The following PDE5A variants were observed in gnomAD, a reference collection of about 807,000 sequenced individuals.
PDE5A encodes the protein cGMP-specific 3',5'-cyclic phosphodiesterase.
Under a neutral mutation model 110.2 loss-of-function variants are expected in PDE5A, and 67 were observed. That is an observed-to-expected ratio of 0.61 (90% CI 0.50 to 0.75). The LOEUF (loss-of-function observed/expected upper bound fraction) is 0.75, where lower values mean the gene tolerates loss of function less well. Among genes scored for constraint, PDE5A ranks in the 30% least tolerant of loss-of-function variants. PDE5A has a pLI of 0.00. For missense variants in PDE5A, 862 were observed against 1,045.1 expected, an observed-to-expected ratio of 0.82 and a Z score of 2.42; for synonymous variants, 328 against 351.2, an observed-to-expected ratio of 0.93 and a Z score of 0.74.
chr4:119,611,433 A>C (rs1560641932), intron 1 of PDE5A, among the ~76,000 whole-genome samples: 1 of 152,148 alleles, frequency 6.6e-6, no homozygotes, highest in Non-Finnish European at 1.5e-5. Flanking sequence ...AGTCTTTTGA[A>C]TATCTAAATG....
intron 14 of PDE5A, among the ~76,000 whole-genome samples, chr4:119,518,609 G>C (rs1725999697): frequency 6.6e-6 from 1 of 152,214 alleles, no homozygotes; most frequent in African/African-American, 2.4e-5. Flanking sequence ...CAGAGGACCA[G>C]TTTTCCAACA....
At chr4:119,554,271 C>CA (rs1476836159) in intron 7 of PDE5A, among the ~76,000 whole-genome samples, 7 of 152,124 alleles carry the variant, frequency 4.6e-5, no homozygotes, top group Non-Finnish European at 1.0e-4. Flanking sequence ...TCTTCCTTAG[C>CA]ATCTTTCCCT....
At chr4:119,588,654 C>A (rs1415302745) in intron 3 of PDE5A, among the ~76,000 whole-genome samples, 1 of 151,344 alleles carries the variant, frequency 6.6e-6, no homozygotes, top group Admixed American at 6.6e-5. Flanking sequence ...AACTTAAATT[C>A]TAAAAAACAT....
Position 119,497,540 on chromosome 4 carries a change from A to G in PDE5A, c.*1061T>C, listed in dbSNP as rs1041522341. ...AATTTTTCAATCACAATACTGCTAAATGTTATTCAGGCATAAAGTTTCTTA... is the reference window on the plus strand; with the variant it reads ...AATTTTTCAATCACAATACTGCTAAGTGTTATTCAGGCATAAAGTTTCTTA... On this transcript the variant is annotated 3_prime_UTR_variant, in exon 21 of 21. Coordinates refer to ENST00000354960, the MANE Select transcript of PDE5A (RefSeq NM_001083.4). 6.6e-6 allele frequency: 1 copy of G among 152,164 alleles called. No homozygotes were observed. The highest frequency in any genetic ancestry group is 6.6e-5 in the Admixed American group (1 of 15,260). 9.4% of individuals were successfully genotyped at this position (152,164 alleles called of 1,614,324 possible).
At chr4:119,599,280 T>A (rs1729259712) in intron 2 of PDE5A, among the ~76,000 whole-genome samples, 1 of 151,742 alleles carries the variant, frequency 6.6e-6, no homozygotes, top group Non-Finnish European at 1.5e-5. Flanking sequence ...CAGCAGACAA[T>A]ACAAAATCAC....
At chr4:119,539,345 GTT>G (rs200294926) in intron 10 of PDE5A, among the ~76,000 whole-genome samples, 2 of 140,830 alleles carry the variant, frequency 1.4e-5, no homozygotes, top group Non-Finnish European at 1.6e-5. Context: ...AATTTATTTT[GTT>G]TTTTTTTTTT....
At chr4:119,617,842 C>G (rs1729995033) in intron 1 of PDE5A, among the ~76,000 whole-genome samples, 1 of 152,124 alleles carries the variant, frequency 6.6e-6, no homozygotes, top group South Asian at 2.1e-4. Context: ...TTCAACCACT[C>G]TATTTTAAAA....
At chr4:119,608,988 G>A (rs987333179) in intron 1 of PDE5A, among the ~76,000 whole-genome samples, 7 of 151,846 alleles carry the variant, frequency 4.6e-5, no homozygotes, top group African/African-American at 1.5e-4. Flanking sequence ...GTGAAACCCC[G>A]TCTCTACTAA....
chr4:119,601,048 G>A (rs541876624), intron 2 of PDE5A, among the ~76,000 whole-genome samples: 6 of 152,166 alleles, frequency 3.9e-5, no homozygotes, highest in Non-Finnish European at 7.3e-5. Context: ...TTTGTTCCCA[G>A]TTCCTGACAC....
intron 3 of PDE5A, among the ~76,000 whole-genome samples, chr4:119,568,390 C>T (rs1431746654): frequency 6.6e-6 from 1 of 152,012 alleles, no homozygotes; most frequent in Non-Finnish European, 1.5e-5. Flanking sequence ...TAATAAGAGC[C>T]ACTTGAAGGT....
intron 3 of PDE5A, among the ~76,000 whole-genome samples, chr4:119,578,540 T>C (rs1166075873): frequency 6.6e-6 from 1 of 152,204 alleles, no homozygotes. Context: ...GCTGCATATC[T>C]ACAACCATCT....
Position 119,521,582 on chromosome 4 carries a change from A to C in PDE5A, c.1780-522T>G, listed in dbSNP as rs530865387. On this transcript the variant is annotated intron_variant, in intron 12 of 20. Transcript: ENST00000354960. ...GGGGTGGACTAGTAACAAGGTATAT[A>C]GCACATGTCCGAGGACAAATTGGAG... 2.0e-5 allele frequency among the ~76,000 whole-genome samples: 3 copies of C among 152,150 alleles called. No homozygotes were observed. In the East Asian group the frequency reaches 5.8e-4, roughly 29 times the overall value.
At chr4:119,535,503 T>A (rs898143005) in intron 11 of PDE5A, among the ~76,000 whole-genome samples, 1 of 152,186 alleles carries the variant, frequency 6.6e-6, no homozygotes, top group South Asian at 2.1e-4. Context: ...GTTTTTCAGA[T>A]AATAAATAAG....
intron 7 of PDE5A, among the ~76,000 whole-genome samples, chr4:119,554,277 T>C (rs1578770628): frequency 6.6e-6 from 1 of 152,288 alleles, no homozygotes; most frequent in East Asian, 1.9e-4. Flanking sequence ...TTAGCATCTT[T>C]CCCTTTGTTC....
At chr4:119,608,415 G>A (rs1165432932) in intron 1 of PDE5A, among the ~76,000 whole-genome samples, 1 of 152,112 alleles carries the variant, frequency 6.6e-6, no homozygotes, top group East Asian at 1.9e-4. Context: ...TTAGAACGCT[G>A]TAGTCTTACA....
chr4:119,539,042 C>T, intron 10 of PDE5A, 23 bp from the exon 11 acceptor site: 1 of 1,580,560 alleles, frequency 6.3e-7, no homozygotes, highest in Non-Finnish European at 8.7e-7. Context: ...AAAAGAAGTC[C>T]AGGTTACACA....
chr4:119,539,643 G>C (rs1726855924), intron 10 of PDE5A, among the ~76,000 whole-genome samples: 2 of 152,018 alleles, frequency 1.3e-5, no homozygotes, highest in Non-Finnish European at 2.9e-5. Context: ...GAGCCTCAGG[G>C]AGTCACATGA....
chr4:119,519,699 A>G (rs1726052925), intron 13 of PDE5A: 1 of 152,152 alleles, frequency 6.6e-6, no homozygotes, highest in African/African-American at 2.4e-5. Flanking sequence ...CAAAAAACAC[A>G]AGTTAAAATT....
At chr4:119,618,881 A>G (rs1284156478) in intron 1 of PDE5A, among the ~76,000 whole-genome samples, 1 of 152,180 alleles carries the variant, frequency 6.6e-6, no homozygotes, top group Non-Finnish European at 1.5e-5. Flanking sequence ...GGTAAATCCT[A>G]AAAGTAGGGT....
Sources: allele counts gnomAD v4.1 joint callset (sites outside exome capture counted in the v4.1 genomes callset), GRCh38; gene constraint gnomAD v4.1.1; transcripts MANE v1.5; gene names NCBI Gene and HGNC (gene_info 2026-07-23, HGNC 2026-07-21).